KIAA1217: variants seen among roughly 807,000 people sequenced by gnomAD.
KIAA1217 encodes the protein KIAA1217, also known as sickle tail protein homolog.
A neutral mutation model predicts 163.9 loss-of-function variants in KIAA1217; 88 were observed. That is an observed-to-expected ratio of 0.54 (90% confidence interval 0.45 to 0.64). The LOEUF (loss-of-function observed/expected upper bound fraction) is 0.64, where lower values mean the gene tolerates loss of function less well. KIAA1217 is among the 30% of genes least tolerant of loss of function. KIAA1217 has a pLI of 0.00. For synonymous variants in KIAA1217, 903 were observed against 923.1 expected (o/e 0.98, Z 0.39); for missense variants, 2,372 against 2,475.0 (o/e 0.96, Z 0.88).
At chr10:24,006,380 G>A (rs564650521) in intron 1 of KIAA1217, among the ~76,000 whole-genome samples, 17 of 152,128 alleles carry the variant, frequency 1.1e-4, no homozygotes, top group African/African-American at 3.9e-4. Flanking sequence ...TGTTTCTCAG[G>A]ATCCTAAGAG....
At chr10:23,891,698 A>G (rs58711189) in intron 1 of KIAA1217, among the ~76,000 whole-genome samples, 1 of 151,478 alleles carries the variant, frequency 6.6e-6, no homozygotes, top group African/African-American at 2.4e-5. Context: ...CTCCCTAACA[A>G]CCTAGTGTTA....
intron 12 of KIAA1217, 53 bp downstream of exon 12, chr10:24,521,982 A>G (rs1323975309): frequency 2.5e-6 from 4 of 1,570,820 alleles, no homozygotes. Context: ...TGCACTGGGA[A>G]ACCGAGAGTG....
intron 2 of KIAA1217, among the ~76,000 whole-genome samples, chr10:24,179,210 T>A (rs1374206442): frequency 6.6e-6 from 1 of 152,178 alleles, no homozygotes; most frequent in Non-Finnish European, 1.5e-5. Context: ...AGTAAAAGGC[T>A]TTTGGGCTTC....
chr10:24,423,354 G>A (rs979838104), intron 3 of KIAA1217, among the ~76,000 whole-genome samples: 6 of 151,742 alleles, frequency 4.0e-5, no homozygotes, highest in South Asian at 4.2e-4. Flanking sequence ...GCACAATCTC[G>A]GCTCATTGCA....
rs2075701807 is a variant in KIAA1217, at chr10:24,546,066, T to C, written c.5574T>C (p.Ser1858=). ...AHSASLIPSV[S]NGSLKFQSLT... ...CTGCCTCCCTCATCCCTTCTGTCTC[T>C]AATGGCTCTTTGAAGTTTCAGAGCC... The change falls in exon 21 of 21, where the codon TCT becomes TCC. Residue 1858 remains serine (S), a synonymous_variant. Coordinates refer to ENST00000376454, the MANE Select transcript of KIAA1217 (RefSeq NM_019590.5). The C allele has an allele frequency of 2.5e-6, 4 of 1,614,094 alleles. No individual in the cohort carries two copies. Among genetic ancestry groups the C allele is most frequent in the Non-Finnish European group, 3.4e-6 (4 of 1,180,048 alleles).
chr10:24,113,492 T>C (rs2062935086), intron 2 of KIAA1217, among the ~76,000 whole-genome samples: 1 of 152,184 alleles, frequency 6.6e-6, no homozygotes, highest in Non-Finnish European at 1.5e-5. Flanking sequence ...TGTCTTTAAT[T>C]AGGGATGAGT....
intron 2 of KIAA1217, among the ~76,000 whole-genome samples, chr10:24,131,497 T>C (rs1285021101): frequency 6.6e-5 from 10 of 152,242 alleles, no homozygotes; most frequent in African/African-American, 2.4e-4. Flanking sequence ...ATCTTTCTCC[T>C]ACTCCACAAA....
At position 24,148,416 on chromosome 10, in the gene KIAA1217, A is replaced by G. The variant is rs193269610; in HGVS notation, c.-170-71210A>G. Among the ~76,000 whole-genome samples, 295 of 152,210 alleles carry G rather than the reference A, an allele frequency of 1.9e-3. 2 individuals are homozygous for G. The highest frequency in any genetic ancestry group is 6.3e-3 in the African/African-American group (263 of 41,536). Reference sequence around the variant, plus strand: ...ATGGTATGAATGTTTGTTCCCTCCAAATCTCATGTTGAAATGTAATCCCCA... The same window carrying G: ...ATGGTATGAATGTTTGTTCCCTCCAGATCTCATGTTGAAATGTAATCCCCA... On this transcript the variant is annotated intron_variant, in intron 2 of 18. Transcript: ENST00000376462.
At chr10:24,013,482 C>T (rs1339911247) in intron 2 of KIAA1217, among the ~76,000 whole-genome samples, 1 of 152,052 alleles carries the variant, frequency 6.6e-6, no homozygotes, top group Non-Finnish European at 1.5e-5. Context: ...CGTATTTCCT[C>T]TAGGAGCAAT....
rs190662401 is a variant in KIAA1217 at position 23,996,066 on chromosome 10, A to G, written c.-320-11159A>G. Among the ~76,000 whole-genome samples the G allele has an allele frequency of 5.9e-5, 9 of 152,296 alleles. No individual in the cohort carries two copies. The East Asian group carries it at 1.7e-3, about 29-fold the overall frequency. Reference sequence around the variant, plus strand: ...GGTTGAAATGTTGGTGCTAGCCCATAGCAAAGAGGTATGTGTCTGGTTTCA... The same window carrying G: ...GGTTGAAATGTTGGTGCTAGCCCATGGCAAAGAGGTATGTGTCTGGTTTCA... On this transcript the variant is annotated intron_variant, in intron 1 of 18. Coordinates refer to the KIAA1217 transcript ENST00000376462.
intron 2 of KIAA1217, among the ~76,000 whole-genome samples, chr10:24,169,253 A>T (rs2065502164): frequency 6.6e-6 from 1 of 152,182 alleles, no homozygotes; most frequent in Non-Finnish European, 1.5e-5. Context: ...TCCTCATCAC[A>T]CTTGGCATAA....
chr10:23,905,825 G>A (rs1326206748), intron 1 of KIAA1217, among the ~76,000 whole-genome samples: 1 of 152,170 alleles, frequency 6.6e-6, no homozygotes, highest in African/African-American at 2.4e-5. Context: ...AGATGACTTT[G>A]GTAGGGAAGT....
chr10:24,517,634 G>A lies in KIAA1217; in HGVS notation c.2178-2489G>A, dbSNP rs555450719. Among the ~76,000 whole-genome samples, 5 of 152,110 alleles carry A rather than the reference G, an allele frequency of 3.3e-5. No homozygotes were observed. The East Asian group carries it at 9.7e-4, about 29-fold the overall frequency. On this transcript the variant is annotated intron_variant, in intron 10 of 20. Coordinates refer to ENST00000376454, the MANE Select transcript of KIAA1217 (RefSeq NM_019590.5). ...GTACTAGAATATAAGTCTCCTTGTG[G>A]AGCATGTTAGGTTGAATTACTGGTG... is the stretch of plus-strand genomic sequence containing the variant.
In KIAA1217 at chr10:24,132,328, T is replaced by C. The variant is rs979154344; in HGVS notation, c.-170-87298T>C. ...GCAGTCTGTCACATCATCAATAATT[T>C]TGAGTTGGAGTTAATAAGGTGTGTG... is the stretch of plus-strand genomic sequence containing the variant. On this transcript the variant is annotated intron_variant, in intron 2 of 18. Coordinates refer to the KIAA1217 transcript ENST00000376462. 4.6e-5 allele frequency among the ~76,000 whole-genome samples: 7 copies of C among 152,180 alleles called. No individual in the cohort carries two copies. In the South Asian group the frequency reaches 1.2e-3, roughly 27 times the overall value.
intron 2 of KIAA1217, among the ~76,000 whole-genome samples, chr10:24,088,502 G>A (rs2061801375): frequency 1.0e-5 from 1 of 98,678 alleles, no homozygotes; most frequent in Non-Finnish European, 2.4e-5. Flanking sequence ...GTGTCCAAGT[G>A]TTCTCATTGT....
chr10:23,819,816 G>A (rs1271097849), intron 1 of KIAA1217, among the ~76,000 whole-genome samples: 2 of 152,118 alleles, frequency 1.3e-5, no homozygotes, highest in African/African-American at 4.8e-5. Context: ...TACCAGACCA[G>A]TAGTTCAGGA....
At chr10:23,921,398 C>T (rs1195374716) in intron 1 of KIAA1217, among the ~76,000 whole-genome samples, 2 of 152,192 alleles carry the variant, frequency 1.3e-5, no homozygotes, top group African/African-American at 2.4e-5. Context: ...GTTTTCCTGA[C>T]TCCATCTGCT....
chr10:24,264,793 CTCTCTCTCTCA>C (rs2076063454), intron 2 of KIAA1217, among the ~76,000 whole-genome samples: 1 of 149,466 alleles, frequency 6.7e-6, no homozygotes, highest in African/African-American at 2.5e-5. Flanking sequence ...CTCTCTCTCT[CTCTCTCTCTCA>C]TTCTCTCTTT....
chr10:23,856,099 G>A (rs1839644527), intron 1 of KIAA1217, among the ~76,000 whole-genome samples: 1 of 152,202 alleles, frequency 6.6e-6, no homozygotes, highest in South Asian at 2.1e-4. Flanking sequence ...GCTTTTTAGA[G>A]TTTCCAGTTT....
Sources: gnomAD v4.1 joint callset for allele counts (sites outside exome capture counted in the v4.1 genomes callset) on GRCh38, gnomAD v4.1.1 for gene constraint, MANE v1.5 for transcripts, NCBI Gene and HGNC (gene_info 2026-07-23, HGNC 2026-07-21) for gene names.